The following NRG4 variants were observed in gnomAD, a reference collection of about 807,000 sequenced individuals.
NRG4 encodes the protein pro-neuregulin-4, membrane-bound isoform.
In NRG4, 10 loss-of-function variants were observed where a neutral mutation model predicts 15.0. That is an observed-to-expected ratio of 0.67 (90% CI 0.41 to 1.13). The LOEUF (loss-of-function observed/expected upper bound fraction) is 1.13, where lower values mean the gene tolerates loss of function less well. Among genes scored for constraint, NRG4 ranks in the 50% most tolerant of loss-of-function variants. The pLI is 0.00. For missense variants in NRG4, 139 were observed against 140.2 expected, an observed-to-expected ratio of 0.99 and a Z score of 0.04; for synonymous variants, 41 against 50.1, an observed-to-expected ratio of 0.82 and a Z score of 0.77.
At chr15:75,967,358 G>A (rs528759655) in intron 3 of NRG4, among the ~76,000 whole-genome samples, 6 of 151,070 alleles carry the variant, frequency 4.0e-5, no homozygotes, top group South Asian at 4.2e-4. Flanking sequence ...GTTGTTTAAC[G>A]TCACATTTAT....
chr15:75,939,107 G>A (rs1323350624), downstream of NRG4: 2 of 151,928 alleles, frequency 1.3e-5, no homozygotes, highest in Admixed American at 1.3e-4. Flanking sequence ...GATTAGAACA[G>A]ATATAATAAA....
At chr15:75,953,013 T>C (rs1448640708) in intron 5 of NRG4, among the ~76,000 whole-genome samples, 4 of 152,188 alleles carry the variant, frequency 2.6e-5, no homozygotes, top group Non-Finnish European at 4.4e-5. Flanking sequence ...AGTTTTTTGT[T>C]TTTAATGTTG....
intron 3 of NRG4, among the ~76,000 whole-genome samples, chr15:75,999,233 C>T (rs1447149972): frequency 6.6e-6 from 1 of 152,172 alleles, no homozygotes; most frequent in Non-Finnish European, 1.5e-5. Context: ...TCTGCCCTCA[C>T]AGGGCTGACA....
intron 3 of NRG4, among the ~76,000 whole-genome samples, chr15:75,984,597 C>T (rs551931555): frequency 7.2e-5 from 11 of 152,014 alleles, no homozygotes; most frequent in Non-Finnish European, 1.5e-4. Flanking sequence ...TAAGAACACA[C>T]GGACACAGGC....
intron 5 of NRG4, among the ~76,000 whole-genome samples, chr15:76,028,866 G>A (rs1022960145): frequency 2.2e-5 from 3 of 135,786 alleles, no homozygotes; most frequent in African/African-American, 8.6e-5. Context: ...ATGTGCCACT[G>A]CACTCCAGCC....
chr15:75,993,303 T>C (rs2034089974), intron 3 of NRG4, among the ~76,000 whole-genome samples: 1 of 149,420 alleles, frequency 6.7e-6, no homozygotes, highest in South Asian at 2.1e-4. Flanking sequence ...TTTTTTTTTT[T>C]CCTGCTGTGT....
At chr15:75,975,498 TTCCATGTTTAGTGC>T (rs1361811284) in intron 3 of NRG4, among the ~76,000 whole-genome samples, 4 of 152,220 alleles carry the variant, frequency 2.6e-5, no homozygotes, top group African/African-American at 4.8e-5. Flanking sequence ...GGTTTTTCCT[TTCCATGTTTAGTGC>T]TTCCTTCAGG....
chr15:76,044,879 C>G (rs1215510475), intron 4 of NRG4, among the ~76,000 whole-genome samples: 1 of 148,568 alleles, frequency 6.7e-6, no homozygotes, highest in Non-Finnish European at 1.5e-5. Flanking sequence ...TAATACCCCA[C>G]AAGCACAGGC....
rs766506302 is a variant in NRG4, at chr15:76,046,286, T to G, written c.-105+5781A>C. Among the ~76,000 whole-genome samples the G allele has an allele frequency of 2.6e-4, 39 of 151,068 alleles. 2 individuals are homozygous for G. The highest frequency in any genetic ancestry group is 7.9e-4 in the Admixed American group (12 of 15,234). On this transcript the variant is annotated intron_variant, in intron 4 of 8. Transcript: ENST00000563910. ...AATGATAAAGACTACCCAAAGCAAT[T>G]TACAGATTCAATGCAATCTCTATCA... is the stretch of plus-strand genomic sequence containing the variant.
chr15:76,020,299 C>T (rs1166666344), intron 5 of NRG4, among the ~76,000 whole-genome samples: 3 of 152,198 alleles, frequency 2.0e-5, no homozygotes, highest in Non-Finnish European at 4.4e-5. Flanking sequence ...CTGCATCTTT[C>T]TCACTTTAAA....
intron 5 of NRG4, among the ~76,000 whole-genome samples, chr15:76,019,247 G>C (rs536574229): frequency 3.3e-5 from 5 of 152,304 alleles, no homozygotes; most frequent in African/African-American, 1.2e-4. Flanking sequence ...TTTCAAGCCA[G>C]TGGATTTTAG....
At chr15:75,936,914 C>G (rs955494198), downstream of NRG4, 1 of 151,894 alleles carries the variant, frequency 6.6e-6, no homozygotes, top group Non-Finnish European at 1.5e-5. Flanking sequence ...AAAGTTTTTG[C>G]TATATAGTGA....
chr15:75,991,832 A>G (rs1461894034), intron 3 of NRG4, among the ~76,000 whole-genome samples: 1 of 151,968 alleles, frequency 6.6e-6, no homozygotes, highest in African/African-American at 2.4e-5. Flanking sequence ...CTCTTTCAAT[A>G]CACAATCTGT....
At chr15:75,955,792 CAAA>C (rs11341073) in intron 5 of NRG4, 137 bp downstream of exon 5, 1,795 of 300,866 alleles carry the variant, frequency 6.0e-3, no homozygotes, top group Middle Eastern at 0.01. Context: ...GGTACCTGGC[CAAA>C]AAAAAAAAAA....
At chr15:76,038,203 A>G (rs2035642088) in intron 4 of NRG4, among the ~76,000 whole-genome samples, 1 of 152,152 alleles carries the variant, frequency 6.6e-6, no homozygotes, top group African/African-American at 2.4e-5. Flanking sequence ...TGGCTATGGT[A>G]AGAGATTTCT....
At chr15:75,993,298 T>C (rs72734573) in intron 3 of NRG4, among the ~76,000 whole-genome samples, 3,574 of 150,970 alleles carry the variant, frequency 0.024, 61 homozygotes, top group Non-Finnish European at 0.035. Context: ...TTGTTTTTTT[T>C]TTTTTCCTGC....
chr15:76,014,194 GT>G (rs1645782159), upstream of NRG4, among the ~76,000 whole-genome samples: 1 of 151,996 alleles, frequency 6.6e-6, no homozygotes, highest in Non-Finnish European at 1.5e-5. Flanking sequence ...GGGGTTGTTG[GT>G]TTTTTTCTTG....
intron 3 of NRG4, among the ~76,000 whole-genome samples, chr15:75,971,005 C>A (rs1254429216): frequency 6.6e-6 from 1 of 152,176 alleles, no homozygotes; most frequent in Non-Finnish European, 1.5e-5. Context: ...CTATAAATAC[C>A]TGTGATTTTC....
At position 76,049,030 on chromosome 15, in the gene NRG4, C is replaced by T. The variant is rs868093002; in HGVS notation, c.-105+3037G>A. Among the ~76,000 whole-genome samples, 5 of 150,044 alleles carry T rather than the reference C, an allele frequency of 3.3e-5. No individual in the cohort carries two copies. The Middle Eastern group carries it at 0.01, about 306-fold the overall frequency. ...CTGTACTCCAGCCTGGGGGATAGAG[C>T]AATACTCCGTCACATAAAAGAAAAA... is the stretch of plus-strand genomic sequence containing the variant. On this transcript the variant is annotated intron_variant, in intron 4 of 8. Transcript: ENST00000563910.
Sources: gnomAD v4.1 joint callset for allele counts (sites outside exome capture counted in the v4.1 genomes callset) on GRCh38, gnomAD v4.1.1 for gene constraint, MANE v1.5 for transcripts, NCBI Gene and HGNC (gene_info 2026-07-23, HGNC 2026-07-21) for gene names.